The following NRG4 variants were observed in gnomAD, a reference collection of about 807,000 sequenced individuals.
NRG4 encodes neuregulin 4, also known as pro-neuregulin-4, membrane-bound isoform.
A neutral mutation model predicts 15.0 loss-of-function variants in NRG4; 10 were observed. That is an observed-to-expected ratio of 0.67 (90% CI 0.41 to 1.13). The LOEUF (loss-of-function observed/expected upper bound fraction) is 1.13, where lower values mean the gene tolerates loss of function less well. Ranked by LOEUF, NRG4 falls within the 50% of genes most tolerant of loss-of-function variation. NRG4 has a pLI of 0.00. For missense variants in NRG4, 139 were observed against 140.2 expected (o/e 0.99, Z 0.04); for synonymous variants, 41 against 50.1 (o/e 0.82, Z 0.77).
rs186239675 is a variant in NRG4, at chr15:75,956,590, A to G, written c.252-579T>C. ...CTATATGCAGTTTTAGCTTACATTA[A>G]TGAAAATGAATTCAAAATCACTTTT... On this transcript the variant is annotated intron_variant, in intron 4 of 5. Transcript: ENST00000394907. 2.8e-3 allele frequency among the ~76,000 whole-genome samples: 429 copies of G among 152,332 alleles called. 1 individual carries two copies. The highest frequency in any genetic ancestry group is 4.2e-3 in the Non-Finnish European group (288 of 68,018).
At chr15:76,042,420 C>T (rs1555440808) in intron 4 of NRG4, among the ~76,000 whole-genome samples, 1 of 150,362 alleles carries the variant, frequency 6.7e-6, no homozygotes. Flanking sequence ...TTTAGCCAGA[C>T]TAAGAAAAAA....
chr15:76,014,854 A>G (rs1208565651), upstream of NRG4, among the ~76,000 whole-genome samples: 3 of 152,182 alleles, frequency 2.0e-5, no homozygotes, highest in Non-Finnish European at 4.4e-5. Context: ...CATAAAGTTT[A>G]AAGTAGATTT....
chr15:75,965,281 C>T (rs927285867), intron 3 of NRG4, among the ~76,000 whole-genome samples: 42 of 152,152 alleles, frequency 2.8e-4, no homozygotes, highest in African/African-American at 9.6e-4. Context: ...AATGTTTTAA[C>T]TGGACAATAA....
At chr15:75,999,090 T>C (rs1025644388) in intron 3 of NRG4, among the ~76,000 whole-genome samples, 150 of 152,326 alleles carry the variant, frequency 9.8e-4, no homozygotes, top group African/African-American at 3.4e-3. Context: ...AATTAATACA[T>C]ATAGAGTTTC....
At chr15:75,998,639 G>A (rs1385826307) in intron 3 of NRG4, among the ~76,000 whole-genome samples, 1 of 152,138 alleles carries the variant, frequency 6.6e-6, no homozygotes, top group Non-Finnish European at 1.5e-5. Flanking sequence ...GAGACAGAGA[G>A]TCACTGAAGG....
chr15:75,985,443 A>G (rs896478239), intron 3 of NRG4, among the ~76,000 whole-genome samples: 1 of 152,200 alleles, frequency 6.6e-6, no homozygotes, highest in Non-Finnish European at 1.5e-5. Context: ...CTCATCAGAG[A>G]CTTAGTGTCC....
intron 4 of NRG4, among the ~76,000 whole-genome samples, chr15:76,050,872 C>T (rs1165068591): frequency 6.0e-5 from 9 of 149,852 alleles, no homozygotes; most frequent in African/African-American, 2.3e-4. Context: ...ATGGTTTGAT[C>T]ATAGCCCACT....
chr15:76,020,693 G>A (rs868114871), intron 5 of NRG4, among the ~76,000 whole-genome samples: 389 of 152,368 alleles, frequency 2.6e-3, no homozygotes, highest in Non-Finnish European at 4.0e-3. Flanking sequence ...GCTGCATGCG[G>A]CCCACGCGCC....
At chr15:75,952,725 T>C (rs531311907) in intron 5 of NRG4, among the ~76,000 whole-genome samples, 2 of 152,050 alleles carry the variant, frequency 1.3e-5, no homozygotes, top group Non-Finnish European at 2.9e-5. Context: ...CTTGGTTTCA[T>C]TGTGGTTTTG....
At chr15:75,958,590 T>C (rs2032359608) in intron 4 of NRG4, among the ~76,000 whole-genome samples, 1 of 152,224 alleles carries the variant, frequency 6.6e-6, no homozygotes, top group South Asian at 2.1e-4. Context: ...TTTATATTCT[T>C]AGCTTTTTAC....
downstream of NRG4, chr15:75,935,557 A>G (rs1454800923): frequency 6.6e-6 from 1 of 151,508 alleles, no homozygotes; most frequent in East Asian, 1.9e-4. Context: ...AGGAAGAGGG[A>G]AAGTAAACCT....
At chr15:76,014,304 T>C (rs2034908501), upstream of NRG4, among the ~76,000 whole-genome samples, 1 of 152,244 alleles carries the variant, frequency 6.6e-6, no homozygotes, top group Non-Finnish European at 1.5e-5. Flanking sequence ...GCCTGTTTAC[T>C]CTGACGAGAG....
In NRG4 at chr15:75,945,879, C is replaced by T. The variant is rs370762843; in HGVS notation, c.332-2225G>A. 3.9e-5 allele frequency: 6 copies of T among 152,160 alleles called. No individual in the cohort carries two copies. In the East Asian group the frequency reaches 1.2e-3, roughly 29 times the overall value. 9.4% of individuals were successfully genotyped at this position (152,160 alleles called of 1,614,324 possible). A position where few individuals can be genotyped will look rare whatever the true frequency, so the allele number is the denominator to read the frequency against. On this transcript the variant is annotated intron_variant, in intron 5 of 5. Transcript: ENST00000394907. ...ACAGACAGCACAAAACCTAAATATA[C>T]TATTTTTCCTGTACCTATGATAAAG...
chr15:76,007,829 G>A (rs749150889), intron 3 of NRG4, among the ~76,000 whole-genome samples: 26 of 152,274 alleles, frequency 1.7e-4, no homozygotes, highest in South Asian at 8.3e-4. Context: ...ATAAAGTTAA[G>A]TGAAACTTGT....
intron 3 of NRG4, among the ~76,000 whole-genome samples, chr15:75,981,235 T>C (rs1280271875): frequency 6.6e-6 from 1 of 152,190 alleles, no homozygotes; most frequent in Non-Finnish European, 1.5e-5. Context: ...TACTCCCTTT[T>C]GGTCTCCATG....
In NRG4 at chr15:76,039,806, T is replaced by C. The variant is rs532106386; in HGVS notation, c.-104-3815A>G. 4.7e-4 allele frequency among the ~76,000 whole-genome samples: 72 copies of C among 152,184 alleles called. 2 individuals are homozygous for C. In the South Asian group the frequency reaches 0.01, roughly 22 times the overall value. On this transcript the variant is annotated intron_variant, in intron 4 of 8. Transcript: ENST00000563910. ...CTGTAATCCCAGCACTTTGGGAGGC[T>C]AAAGCCTCCCAAAGGTGGACCATTT...
intron 5 of NRG4, among the ~76,000 whole-genome samples, chr15:75,951,772 T>C (rs117809098): frequency 0.031 from 4,700 of 152,318 alleles, 98 homozygotes; most frequent in Non-Finnish European, 0.048. Context: ...TTTGCTTTTA[T>C]GTATGTTGTA....
chr15:76,045,815 G>C (rs374010093), intron 4 of NRG4, among the ~76,000 whole-genome samples: 1 of 150,774 alleles, frequency 6.6e-6, no homozygotes, highest in South Asian at 2.1e-4. Flanking sequence ...GGGAAGTGGG[G>C]ATAGTTAATG....
chr15:76,027,904 A>C (rs367738337), intron 5 of NRG4, among the ~76,000 whole-genome samples: 2 of 152,214 alleles, frequency 1.3e-5, no homozygotes, highest in African/African-American at 4.8e-5. Context: ...TGGAAATTAA[A>C]CACCACCCTG....
Sources: gnomAD v4.1 joint callset for allele counts (sites outside exome capture counted in the v4.1 genomes callset) on GRCh38, gnomAD v4.1.1 for gene constraint, MANE v1.5 for transcripts, NCBI Gene and HGNC (gene_info 2026-07-23, HGNC 2026-07-21) for gene names.